Variants in PKHD1L1 observed in about 807,000 individuals in gnomAD.
PKHD1L1 encodes fibrocystin-L.
In PKHD1L1, 434 loss-of-function variants were observed where a neutral mutation model predicts 462.9. The ratio of observed to expected loss-of-function variants is 0.94; its 90% confidence interval spans 0.87 to 1.02. PKHD1L1 has a LOEUF of 1.02. Among genes scored for constraint, PKHD1L1 ranks in the 50% least tolerant of loss-of-function variants. The pLI, the probability that PKHD1L1 is intolerant of heterozygous loss-of-function variation, is 0.00. For missense variants in PKHD1L1, 5,202 were observed against 5,096.1 expected (o/e 1.02, Z -0.63); for synonymous variants, 1,781 against 1,750.0 (o/e 1.02, Z -0.44).
intron 6 of PKHD1L1, 38 bp from the exon 7 acceptor site, chr8:109,388,459 A>T: frequency 7.1e-7 from 1 of 1,402,146 alleles, no homozygotes; most frequent in Non-Finnish European, 9.8e-7. Context: ...AATTTGTTAA[A>T]CATAACTTGA....
In PKHD1L1 at chr8:109,380,769, T is replaced by C. The variant is rs529396276; in HGVS notation, c.164-601T>C. On this transcript the variant is annotated intron_variant, in intron 2 of 77. Coordinates refer to ENST00000378402, the MANE Select transcript of PKHD1L1 (RefSeq NM_177531.6). The stretch of plus-strand genomic sequence containing the variant: ...ATTTTGCTCTCTCTCATACCTAAAA[T>C]AGCTCATTGCCCAAATAAATTATGT... Among the ~76,000 whole-genome samples, 67 of 152,310 alleles carry C rather than the reference T, an allele frequency of 4.4e-4. 1 individual carries two copies. In the South Asian group the frequency reaches 0.014, roughly 31 times the overall value.
intron 31 of PKHD1L1, 67 bp from the exon 32 acceptor site, chr8:109,438,830 T>C (rs1815595788): frequency 1.7e-6 from 2 of 1,165,938 alleles, no homozygotes; most frequent in Non-Finnish European, 1.2e-6. Flanking sequence ...ATTTATTTAA[T>C]ATGCAAATTT....
chr8:109,446,381 G>T (rs1816141490), intron 38 of PKHD1L1, among the ~76,000 whole-genome samples: 1 of 152,136 alleles, frequency 6.6e-6, no homozygotes, highest in African/African-American at 2.4e-5. Flanking sequence ...TTTTGGACAA[G>T]TTTTTTAAAA....
chr8:109,508,373 C>T, intron 70 of PKHD1L1, 109 bp downstream of exon 70: 1 of 1,133,854 alleles, frequency 8.8e-7, no homozygotes, highest in Non-Finnish European at 1.3e-6. Flanking sequence ...AAACATCAGG[C>T]CTTGTTTGCC....
intron 2 of PKHD1L1, among the ~76,000 whole-genome samples, chr8:109,375,547 G>A (rs556186758): frequency 5.3e-4 from 81 of 152,290 alleles, no homozygotes; most frequent in African/African-American, 1.8e-3. Flanking sequence ...CTGGTGAGGA[G>A]CTGTGTTCCT....
chr8:109,396,057 G>A lies in PKHD1L1; in HGVS notation c.842G>A (p.Ser281Asn), dbSNP rs1471570250. 3 of 1,605,904 alleles carry A rather than the reference G, an allele frequency of 1.9e-6. No individual in the cohort carries two copies. The highest frequency in any genetic ancestry group is 1.7e-6 in the Non-Finnish European group (2 of 1,176,354). The change falls in exon 11 of 78, where the codon AGC becomes AAC. Residue 281 changes from serine (S) to asparagine (N), a missense_variant. Ser to Asn is a conservative substitution (Grantham distance 46, BLOSUM62 1). Coordinates refer to ENST00000378402, the MANE Select transcript of PKHD1L1 (RefSeq NM_177531.6). ...EVTMIFPSQG[S>N]IRGGTTLTIS... is the part of the protein sequence containing the mutation. Reference sequence around the variant, plus strand: ...ACCATGATTTTCCCTTCACAAGGAAGCATTCGAGGTGGCACCACGCTGACA... The same window carrying A: ...ACCATGATTTTCCCTTCACAAGGAAACATTCGAGGTGGCACCACGCTGACA...
At chr8:109,485,017 T>C in intron 57 of PKHD1L1, 27 bp from the exon 58 acceptor site, 1 of 1,552,704 alleles carries the variant, frequency 6.4e-7, no homozygotes, top group Non-Finnish European at 8.7e-7. Context: ...AAATTGTTCT[T>C]AAATTTGGCA....
At chr8:109,504,089 A>T (rs938113982) in intron 67 of PKHD1L1, among the ~76,000 whole-genome samples, 2 of 152,224 alleles carry the variant, frequency 1.3e-5, no homozygotes, top group African/African-American at 4.8e-5. Flanking sequence ...CCCATTGGCC[A>T]AACCAAGTTA....
intron 25 of PKHD1L1, among the ~76,000 whole-genome samples, chr8:109,428,185 T>A (rs748736200): frequency 6.6e-6 from 1 of 152,184 alleles, no homozygotes. Context: ...GATTCATCAC[T>A]ATCACTTATA....
In PKHD1L1 at chr8:109,464,678, G is replaced by A; in HGVS notation, c.7846G>A (p.Val2616Ile). 6.2e-7 allele frequency: 1 copy of A among 1,613,438 alleles called. No homozygotes were observed. The highest frequency in any genetic ancestry group is 8.5e-7 in the Non-Finnish European group (1 of 1,179,794). The change falls in exon 49 of 78, where the codon GTC becomes ATC. Residue 2616 changes from valine (V) to isoleucine (I), a missense_variant. By Grantham distance (29) the Val-to-Ile change is conservative (BLOSUM62 3). Transcript: ENST00000378402. ...VPLGEFFNNT[V>I]HSQGWFGMWI... Reference sequence around the variant, plus strand: ...CCTTGGCGAATTTTTTAACAATACTGTCCATTCTCAAGGTTGGTTTGGAAT... The same window carrying A: ...CCTTGGCGAATTTTTTAACAATACTATCCATTCTCAAGGTTGGTTTGGAAT...
chr8:109,485,798 A>G (rs1241445616), intron 58 of PKHD1L1, among the ~76,000 whole-genome samples: 1 of 151,988 alleles, frequency 6.6e-6, no homozygotes, highest in Non-Finnish European at 1.5e-5. Context: ...AGACTAGCAG[A>G]CATTTGACCT....
chr8:109,476,507 GGAA>G lies in PKHD1L1; in HGVS notation c.8763_8765del (p.Glu2921del). 6.9e-7 allele frequency: 1 copy of G among 1,442,474 alleles called. No individual in the cohort carries two copies. The highest frequency in any genetic ancestry group is 9.4e-7 in the Non-Finnish European group (1 of 1,064,330). The allele number at this position is 1,442,474 out of a possible 1,614,324, so 89.4% of individuals were successfully genotyped here. ...TCACATTTTTCTATAAACTTTTATA[GGAA>G]GAAGACTATGTAATTATATCACATA... is the stretch of plus-strand genomic sequence containing the variant. On this transcript the variant is annotated inframe_deletion and splice_region_variant, in exon 52 of 78. Transcript: ENST00000378402.
chr8:109,385,473 C>T (rs966914487), intron 5 of PKHD1L1, 64 bp from the exon 6 acceptor site: 38 of 1,014,984 alleles, frequency 3.7e-5, no homozygotes, highest in African/African-American at 1.7e-4. Context: ...CTTATGTTTT[C>T]GTATTAAGTG....
intron 2 of PKHD1L1, among the ~76,000 whole-genome samples, chr8:109,378,774 C>A (rs772785377): frequency 2.2e-4 from 33 of 152,160 alleles, no homozygotes; most frequent in Non-Finnish European, 3.1e-4. Context: ...GGCTTCTGGG[C>A]AGTCGAAGAG....
chr8:109,534,394 C>T lies in PKHD1L1; in HGVS notation c.*4304C>T, dbSNP rs914366898. 1.1e-4 allele frequency among the ~76,000 whole-genome samples: 16 copies of T among 151,930 alleles called. No individual in the cohort carries two copies. The highest frequency in any genetic ancestry group is 2.9e-4 in the African/African-American group (12 of 41,348). Reference sequence around the variant, plus strand: ...AGGAGAATGGTGTGAACCCAGGAGGCGGAGCTTGCAGTGAGCTGAGATCTC... The same window carrying T: ...AGGAGAATGGTGTGAACCCAGGAGGTGGAGCTTGCAGTGAGCTGAGATCTC... On this transcript the variant is annotated 3_prime_UTR_variant, in exon 78 of 78. Coordinates refer to ENST00000378402, the MANE Select transcript of PKHD1L1 (RefSeq NM_177531.6).
chr8:109,452,215 G>A lies in PKHD1L1; in HGVS notation c.6442G>A (p.Ala2148Thr), dbSNP rs1816561566. 1 of 1,612,814 alleles carries A rather than the reference G, an allele frequency of 6.2e-7. No homozygotes were observed. The highest frequency in any genetic ancestry group is 1.3e-5 in the African/African-American group (1 of 74,970). Residue 2148 changes from alanine (A) to threonine (T), a missense_variant, in exon 42 of 78, where the codon GCC (alanine) becomes ACC (threonine). Coordinates refer to ENST00000378402, the MANE Select transcript of PKHD1L1 (RefSeq NM_177531.6). The stretch of plus-strand genomic sequence containing the variant: ...GACACACATCATCTGCATGACAGAT[G>A]CCCATACTCTATCAGGGTGGGCTCC... ...NKTHIICMTD[A>T]HTLSGWAPVC...
Position 109,445,254 on chromosome 8 carries a change from A to T in PKHD1L1, c.5385A>T (p.Glu1795Asp). The T allele has an allele frequency of 6.2e-7, 1 of 1,613,998 alleles. No homozygotes were observed. The highest frequency in any genetic ancestry group is 1.1e-5 in the South Asian group (1 of 91,088). The change falls in exon 38 of 78, where the codon GAA becomes GAT. Residue 1795 changes from glutamate to aspartate, a missense_variant. Physicochemically the swap from Glu to Asp is conservative, Grantham distance 45. This residue lies in a region of PKHD1L1 where 4,497 missense variants were observed against 4,336.8 expected (regional missense o/e 1.04). Coordinates refer to ENST00000378402, the MANE Select transcript of PKHD1L1 (RefSeq NM_177531.6). ...AGTTCAGAGCAATAGAGGTTAATGA[A>T]AACAACATCACTGCTCTTGTGACTC... Reference protein sequence around the residue: ...NQQFRAIEVNENNITALVTPL... With the variant: ...NQQFRAIEVNDNNITALVTPL...
In PKHD1L1 at chr8:109,439,029, A is replaced by T. The variant is rs779365442; in HGVS notation, c.3893A>T (p.Lys1298Met). ...NFTDIRCLLP[K>M]LSPGKHDIYV... ...ACAGATATTAGATGCCTTTTGCCCA[A>T]GTTGTCTCCTGGAAAACATGATATC... Residue 1298 changes from lysine (K) to methionine (M), a missense_variant, in exon 32 of 78, where the codon AAG becomes ATG. Lys to Met is a moderately conservative substitution (Grantham distance 95). Transcript: ENST00000378402. 1 of 1,613,676 alleles carries T rather than the reference A, an allele frequency of 6.2e-7. No homozygotes were observed. Among genetic ancestry groups the T allele is most frequent in the Admixed American group, 1.7e-5 (1 of 59,998 alleles).
intron 5 of PKHD1L1, among the ~76,000 whole-genome samples, chr8:109,385,063 A>T (rs113257309): frequency 0.012 from 1,762 of 151,862 alleles, 39 homozygotes; most frequent in African/African-American, 0.04. Context: ...ACATCTATAG[A>T]TCTTAACGTT....
Sources: allele counts gnomAD v4.1 joint callset (sites outside exome capture counted in the v4.1 genomes callset), GRCh38; gene constraint gnomAD v4.1.1; regional missense constraint gnomAD v4.1.1; transcripts MANE v1.5; gene names NCBI Gene and HGNC (gene_info 2026-07-23, HGNC 2026-07-21).